Variants in MBNL2 observed in about 807,000 individuals in gnomAD.
MBNL2 encodes muscleblind-like protein 2.
Under a neutral mutation model 41.9 loss-of-function variants are expected in MBNL2, and 17 were observed. The observed-to-expected ratio is 0.41, with a 90% CI of 0.28 to 0.61. The LOEUF (loss-of-function observed/expected upper bound fraction) is 0.61. Ranked by LOEUF, MBNL2 falls within the 20% of genes least tolerant of loss-of-function variation. MBNL2 has a pLI of 0.35. For missense variants in MBNL2, 336 were observed against 505.6 expected (o/e 0.66, Z 3.22); for synonymous variants, 195 against 182.9 (o/e 1.07, Z -0.53).
upstream of MBNL2, among the ~76,000 whole-genome samples, chr13:97,221,148 A>G (rs2040822829): frequency 6.6e-6 from 1 of 152,228 alleles, no homozygotes; most frequent in Admixed American, 6.5e-5. Context: ...TTGCTTCATT[A>G]CAGATGCGCT....
chr13:97,263,120 C>T (rs764265630), intron 1 of MBNL2, among the ~76,000 whole-genome samples: 42 of 152,158 alleles, frequency 2.8e-4, no homozygotes, highest in African/African-American at 7.9e-4. Flanking sequence ...ATTTCCTACA[C>T]GCCTCATTCC....
chr13:97,294,296 C>A (rs2056677085), intron 2 of MBNL2, among the ~76,000 whole-genome samples: 1 of 152,160 alleles, frequency 6.6e-6, no homozygotes, highest in African/African-American at 2.4e-5. Context: ...CCCTGCAAGA[C>A]ACATGGAAAT....
At chr13:97,241,823 C>T (rs554942782) in intron 1 of MBNL2, among the ~76,000 whole-genome samples, 36 of 152,200 alleles carry the variant, frequency 2.4e-4, no homozygotes, top group Admixed American at 3.9e-4. Context: ...CAGAGTTAGG[C>T]GAGTTGGGTC....
At chr13:97,284,703 G>A (rs138556007) in intron 2 of MBNL2, among the ~76,000 whole-genome samples, 17 of 152,208 alleles carry the variant, frequency 1.1e-4, no homozygotes, top group African/African-American at 3.4e-4. Flanking sequence ...TCTAATGATC[G>A]GATTTGGCAA....
intron 1 of MBNL2, among the ~76,000 whole-genome samples, chr13:97,272,133 TG>T (rs2051168632): frequency 6.6e-6 from 1 of 152,188 alleles, no homozygotes; most frequent in Admixed American, 6.5e-5. Context: ...TGGCATGAGA[TG>T]GTATCTCATT....
the MBNL2 span, among the ~76,000 whole-genome samples, chr13:97,165,006 C>G: frequency 6.6e-6 from 1 of 152,164 alleles, no homozygotes; most frequent in East Asian, 1.9e-4. Context: ...GAGTTCAAGA[C>G]AAGTCTGGCC....
chr13:97,150,250 C>G, the MBNL2 span, among the ~76,000 whole-genome samples: 1 of 152,190 alleles, frequency 6.6e-6, no homozygotes, highest in Non-Finnish European at 1.5e-5. Context: ...TCAGAGTTAT[C>G]CATGCTGAGA....
chr13:97,206,647 C>T, the MBNL2 span, among the ~76,000 whole-genome samples: 1 of 152,132 alleles, frequency 6.6e-6, no homozygotes, highest in African/African-American at 2.4e-5. Context: ...CAGGCAATGG[C>T]ACATGCTAAT....
the MBNL2 span, among the ~76,000 whole-genome samples, chr13:97,147,054 A>G: frequency 1.3e-5 from 2 of 152,230 alleles, no homozygotes; most frequent in Admixed American, 6.5e-5. Context: ...CATTGGAAAC[A>G]GAACATAATG....
At chr13:97,156,955 A>T in the MBNL2 span, among the ~76,000 whole-genome samples, 15,142 of 151,208 alleles carry the variant, frequency 0.1, 834 homozygotes, top group South Asian at 0.16. Context: ...CTTGATGGGG[A>T]TGGCATTGAG....
chr13:97,303,065 C>G (rs1253528428), intron 2 of MBNL2, among the ~76,000 whole-genome samples: 4 of 152,138 alleles, frequency 2.6e-5, no homozygotes, highest in Admixed American at 1.3e-4. Context: ...CATTTTGTAC[C>G]TCTCTGCACT....
At chr13:97,261,718 A>G (rs2048671545) in intron 1 of MBNL2, among the ~76,000 whole-genome samples, 1 of 152,204 alleles carries the variant, frequency 6.6e-6, no homozygotes, top group African/African-American at 2.4e-5. Context: ...CCACTTTTGC[A>G]GCAGGTAAAA....
chr13:97,228,558 G>A (rs563557628), intron 1 of MBNL2, among the ~76,000 whole-genome samples: 80 of 128,372 alleles, frequency 6.2e-4, no homozygotes, highest in South Asian at 1.9e-3. Flanking sequence ...AGACAGAGTC[G>A]CACTCTGTTG....
chr13:97,150,220 C>T, the MBNL2 span, among the ~76,000 whole-genome samples: 2 of 152,158 alleles, frequency 1.3e-5, no homozygotes, highest in Admixed American at 6.5e-5. Context: ...AGTGATCTGC[C>T]CAGTAATGCC....
chr13:97,154,808 T>TGGAC, the MBNL2 span, among the ~76,000 whole-genome samples: 65 of 151,374 alleles, frequency 4.3e-4, no homozygotes, highest in African/African-American at 1.5e-3. Flanking sequence ...GATGGATGGA[T>TGGAC]GGATGGATGG....
At chr13:97,271,068 G>A (rs2050845534) in intron 1 of MBNL2, among the ~76,000 whole-genome samples, 1 of 151,196 alleles carries the variant, frequency 6.6e-6, no homozygotes, top group African/African-American at 2.4e-5. Flanking sequence ...TGCTGTACAA[G>A]TGACTCTGGC....
intron 1 of MBNL2, among the ~76,000 whole-genome samples, chr13:97,229,962 G>A (rs1028924531): frequency 6.6e-6 from 1 of 152,142 alleles, no homozygotes; most frequent in Admixed American, 6.5e-5. Flanking sequence ...AATCCAAAAG[G>A]CATCTTGAAG....
rs576542058 is a variant in MBNL2, at chr13:97,222,426, A to G, written c.-710A>G. ...TAAACAGGGAATGAGAACTATTTAC[A>G]TGGAAGTTTCTTTCTCATGATGCGG... On this transcript the variant is annotated 5_prime_UTR_variant, in exon 1 of 9. An upstream start codon of the reference 5' UTR is lost. Coordinates refer to ENST00000679496, the MANE Select transcript of MBNL2 (RefSeq NM_001382683.1). 12 of 398,644 alleles carry G rather than the reference A, an allele frequency of 3.0e-5. No individual in the cohort carries two copies. The highest frequency in any genetic ancestry group is 1.3e-4 in the South Asian group (1 of 7,864). 24.7% of individuals were successfully genotyped at this position (398,644 alleles called of 1,614,324 possible).
At chr13:97,290,375 C>G (rs556722803) in intron 2 of MBNL2, among the ~76,000 whole-genome samples, 5 of 152,222 alleles carry the variant, frequency 3.3e-5, no homozygotes, top group African/African-American at 1.2e-4. Context: ...AAAAAAAAAT[C>G]AGCAGAAACA....
Sources: gnomAD v4.1 joint callset for allele counts (sites outside exome capture counted in the v4.1 genomes callset) on GRCh38, gnomAD v4.1.1 for gene constraint, MANE v1.5 for transcripts, NCBI Gene and HGNC (gene_info 2026-07-23, HGNC 2026-07-21) for gene names.